CANX: variants seen among roughly 807,000 people sequenced by gnomAD.
The protein encoded by CANX is epididymis secretory sperm binding protein.
A neutral mutation model predicts 75.7 loss-of-function variants in CANX; 14 were observed. The ratio of observed to expected loss-of-function variants is 0.19; its 90% CI spans 0.12 to 0.29. CANX has a LOEUF of 0.29. Among genes scored for constraint, CANX ranks in the 10% least tolerant of loss-of-function variants. The probability of loss-of-function intolerance (pLI) is 1.00; values close to 1 mark genes in which losing one functional copy is unlikely to be tolerated. For synonymous variants in CANX, 227 were observed against 236.9 expected, an observed-to-expected ratio of 0.96 and a Z score of 0.38; for missense variants, 567 against 713.2, an observed-to-expected ratio of 0.79 and a Z score of 2.34.
At chr5:179,699,833 AG>A (rs1776613056) in intron 1 of CANX, 1 of 152,242 alleles carries the variant, frequency 6.6e-6, no homozygotes. Flanking sequence ...ATTATAGTTC[AG>A]GGATAGACCG....
intron 1 of CANX, among the ~76,000 whole-genome samples, chr5:179,691,007 A>G (rs1169412773): frequency 6.6e-6 from 1 of 152,092 alleles, no homozygotes; most frequent in Non-Finnish European, 1.5e-5. Context: ...GTTTATGTTT[A>G]TAGACATTGA....
upstream of CANX, chr5:179,694,502 C>A: frequency 1.3e-6 from 1 of 753,906 alleles, no homozygotes; most frequent in Non-Finnish European, 2.4e-6. Flanking sequence ...CTTCGGAAAT[C>A]CGCCCCAAGA....
intron 1 of CANX, among the ~76,000 whole-genome samples, chr5:179,691,824 C>G (rs1726868567): frequency 6.6e-6 from 1 of 152,160 alleles, no homozygotes; most frequent in Non-Finnish European, 1.5e-5. Flanking sequence ...GTCGCCCAGG[C>G]TGGAGTGCAG....
intron 7 of CANX, among the ~76,000 whole-genome samples, chr5:179,710,924 G>A (rs1777509587): frequency 6.6e-6 from 1 of 151,296 alleles, no homozygotes; most frequent in South Asian, 2.1e-4. Context: ...GTGGTGTTGA[G>A]TAGCTGGTGT....
intron 12 of CANX, 92 bp from the exon 13 acceptor site, chr5:179,724,565 C>A: frequency 9.6e-7 from 1 of 1,042,446 alleles, no homozygotes; most frequent in Non-Finnish European, 1.5e-6. Flanking sequence ...CTGTATACAG[C>A]CTGGAACAGA....
intron 1 of CANX, 108 bp downstream of exon 1, chr5:179,699,210 C>A: frequency 1.5e-6 from 1 of 678,752 alleles, no homozygotes; most frequent in Non-Finnish European, 1.8e-6. Context: ...AGGGGTCGGG[C>A]TGGCTCTTGA....
intron 7 of CANX, among the ~76,000 whole-genome samples, chr5:179,710,624 C>A (rs2113171015): frequency 6.9e-6 from 1 of 144,204 alleles, no homozygotes; most frequent in South Asian, 2.2e-4. Flanking sequence ...AGGAGAATGG[C>A]ACGAACCCGG....
upstream of CANX, among the ~76,000 whole-genome samples, chr5:179,695,883 C>G (rs942771903): frequency 5.9e-5 from 9 of 151,748 alleles, no homozygotes; most frequent in Admixed American, 5.9e-4. Context: ...CATGATCCAC[C>G]CGCCTCGGCC....
intron 4 of CANX, among the ~76,000 whole-genome samples, 180 bp downstream of exon 4, chr5:179,707,370 G>C (rs572081958): frequency 2.8e-4 from 43 of 152,258 alleles, no homozygotes; most frequent in African/African-American, 1.0e-3. Context: ...AGATCACGAG[G>C]TCAGGAGATC....
chr5:179,714,030 T>G (rs4526069), intron 7 of CANX, among the ~76,000 whole-genome samples: 116,202 of 152,006 alleles, frequency 0.76, 45,845 homozygotes, highest in Non-Finnish European at 0.86. Context: ...TGGGAGTCTC[T>G]CTCTGTTGCC....
chr5:179,715,824 G>GTT (rs1204093584), intron 7 of CANX: 1,106 of 352,982 alleles, frequency 3.1e-3, no homozygotes, highest in South Asian at 5.5e-3. Flanking sequence ...TGTTTTTTTT[G>GTT]TTTTTTTTTT....
chr5:179,724,278 T>C (rs1778502473), intron 12 of CANX, among the ~76,000 whole-genome samples: 2 of 152,146 alleles, frequency 1.3e-5, no homozygotes, highest in African/African-American at 4.8e-5. Context: ...AAAGTCTTAT[T>C]TTGGACTCTA....
At chr5:179,687,960 A>G (rs1776219496) in intron 1 of CANX, among the ~76,000 whole-genome samples, 1 of 151,826 alleles carries the variant, frequency 6.6e-6, no homozygotes, top group Admixed American at 6.6e-5. Flanking sequence ...ACTTAAACCC[A>G]GGAGGTGGAC....
chr5:179,692,630 C>T (rs1776317792), intron 1 of CANX, among the ~76,000 whole-genome samples: 1 of 152,048 alleles, frequency 6.6e-6, no homozygotes, highest in Admixed American at 6.5e-5. Context: ...TGGGCTGAAT[C>T]TATCCACCTA....
At chr5:179,699,886 G>C (rs142237100) in intron 1 of CANX, 14 of 152,332 alleles carry the variant, frequency 9.2e-5, no homozygotes, top group African/African-American at 3.4e-4. Flanking sequence ...GTCTTTGATT[G>C]GTCATTGGTT....
rs1175867720 is a variant in CANX at position 179,712,335 on chromosome 5, G to GT, written c.721+2278dup. ...TTGAGTTGAATCATTTTGATACAGGGTTTTTTTTGGTTTGTTTGTTTATTG... is the reference window on the plus strand; with the variant it reads ...TTGAGTTGAATCATTTTGATACAGGGTTTTTTTTTGGTTTGTTTGTTTATTG... On this transcript the variant is annotated intron_variant, in intron 7 of 14. Transcript: ENST00000247461. Among the ~76,000 whole-genome samples, 8 of 151,374 alleles carry GT rather than the reference G, an allele frequency of 5.3e-5. No individual in the cohort carries two copies. In the East Asian group the frequency reaches 7.7e-4, roughly 15 times the overall value.
chr5:179,704,815 G>A (rs772988747), intron 1 of CANX, among the ~76,000 whole-genome samples: 1 of 152,086 alleles, frequency 6.6e-6, no homozygotes, highest in Non-Finnish European at 1.5e-5. Flanking sequence ...CAGCCTGGGC[G>A]ACAGAGGGAG....
chr5:179,713,382 T>G (rs1307502629), intron 7 of CANX, among the ~76,000 whole-genome samples: 1 of 152,204 alleles, frequency 6.6e-6, no homozygotes, highest in Admixed American at 6.5e-5. Flanking sequence ...TAACCTTTTT[T>G]TGTTATTTCC....
rs763666522 is a variant in CANX at position 179,722,988 on chromosome 5, G to T, written c.1367G>T (p.Gly456Val). 20 of 1,614,108 alleles carry T rather than the reference G, an allele frequency of 1.2e-5. No homozygotes were observed. Among genetic ancestry groups the T allele is most frequent in the Non-Finnish European group, 1.6e-5 (19 of 1,180,002 alleles). The change falls in exon 11 of 15, where the codon GGC becomes GTC. Residue 456 changes from glycine to valine, a missense_variant. By Grantham distance (109) the Gly-to-Val change is moderately radical. Coordinates refer to ENST00000247461, the MANE Select transcript of CANX (RefSeq NM_001746.4). Reference protein sequence around the residue: ...IVDDWANDGWGLKKAADGAAE... With the variant: ...IVDDWANDGWVLKKAADGAAE... ...GATGATTGGGCCAATGATGGATGGG[G>T]CCTGAAGAAAGCTGCTGATGGGGCT...
Sources: allele counts gnomAD v4.1 joint callset (sites outside exome capture counted in the v4.1 genomes callset), GRCh38; gene constraint gnomAD v4.1.1; transcripts MANE v1.5; gene names NCBI Gene and HGNC (gene_info 2026-07-23, HGNC 2026-07-21).